Variants in ATP8A2 observed in about 807,000 individuals in gnomAD.
The protein encoded by ATP8A2 is ATPase phospholipid transporting 8A2, also known as phospholipid-transporting ATPase IB.
In ATP8A2, 100 loss-of-function variants were observed where a neutral mutation model predicts 165.6. The ratio of observed to expected loss-of-function variants is 0.60; its 90% confidence interval spans 0.51 to 0.71. The LOEUF (loss-of-function observed/expected upper bound fraction) is 0.71, where lower values mean the gene tolerates loss of function less well. Ranked by LOEUF, ATP8A2 falls within the 30% of genes least tolerant of loss-of-function variation. ATP8A2 has a pLI of 0.00. For missense variants in ATP8A2, 1,227 were observed against 1,479.5 expected (o/e 0.83, Z 2.80); for synonymous variants, 543 against 548.8 (o/e 0.99, Z 0.15).
intron 25 of ATP8A2, among the ~76,000 whole-genome samples, chr13:25,734,633 G>A (rs529823202): frequency 6.6e-6 from 1 of 152,254 alleles, no homozygotes; most frequent in East Asian, 1.9e-4. Flanking sequence ...ATGACACATT[G>A]TGATAAGGTT....
Position 25,961,650 on chromosome 13 carries a change from G to A in ATP8A2, c.3259G>A (p.Val1087Met). The A allele has an allele frequency of 2.5e-6, 4 of 1,613,342 alleles. No individual in the cohort carries two copies. Among genetic ancestry groups the A allele is most frequent in the Non-Finnish European group, 3.4e-6 (4 of 1,179,306 alleles). ...TCCTACTGCCTGTTTGATTGAAGAT[G>A]TGGCATGGAGAGCGTAAGTTTAACA... Reference protein sequence around the residue: ...LVPTACLIEDVAWRAAKHTCK... With the variant: ...LVPTACLIEDMAWRAAKHTCK... The change falls in exon 34 of 37, where the codon GTG becomes ATG. Residue 1087 changes from valine to methionine, a missense_variant. Transcript: ENST00000381655.
chr13:25,545,835 A>G (rs959441740), intron 10 of ATP8A2, among the ~76,000 whole-genome samples: 2 of 151,998 alleles, frequency 1.3e-5, no homozygotes, highest in African/African-American at 2.4e-5. Context: ...GGATTTCACC[A>G]TGTTGCCCAG....
In ATP8A2 at chr13:25,372,286, TGGGTGAGCTGGGAGGGGCGCGGCGAGGGA is replaced by T; in HGVS notation, c.76+4_76+32del. 7.5e-7 allele frequency: 1 copy of T among 1,333,588 alleles called. No homozygotes were observed. The highest frequency in any genetic ancestry group is 1.0e-6 in the Non-Finnish European group (1 of 1,000,540). The allele number at this position is 1,333,588 out of a possible 1,614,324, so 82.6% of individuals were successfully genotyped here. A position where few individuals can be genotyped will look rare whatever the true frequency, so the allele number is the denominator to read the frequency against. On this transcript the variant is annotated splice_donor_variant and splice_donor_5th_base_variant and coding_sequence_variant and intron_variant, in exon 1 of 37. Coordinates refer to ENST00000381655, the MANE Select transcript of ATP8A2 (RefSeq NM_016529.6). LOFTEE classifies it high-confidence loss of function. The surrounding 1 kb of genome is among the most constrained non-coding windows in gnomAD (Gnocchi z 4.8). ...CGGAGGTCGAGGATCCGCTCGTCCG[TGGGTGAGCTGGGAGGGGCGCGGCGAGGGA>T]GGGTGGGCCCGGGGCGGGGGCGGCG... is the stretch of plus-strand genomic sequence containing the variant.
At chr13:25,382,750 T>C (rs370917651) in intron 1 of ATP8A2, among the ~76,000 whole-genome samples, 4 of 151,728 alleles carry the variant, frequency 2.6e-5, no homozygotes, top group African/African-American at 9.7e-5. Context: ...TCTGTTTAGA[T>C]CTTTTGTCCT....
chr13:25,832,247 T>A (rs4525343), intron 28 of ATP8A2, among the ~76,000 whole-genome samples: 1 of 151,928 alleles, frequency 6.6e-6, no homozygotes, highest in Non-Finnish European at 1.5e-5. Flanking sequence ...TCATTTTGTT[T>A]TGTGGGTAGA....
chr13:25,835,041 C>T (rs569182703), intron 28 of ATP8A2, among the ~76,000 whole-genome samples: 38 of 151,730 alleles, frequency 2.5e-4, no homozygotes, highest in Non-Finnish European at 5.3e-4. Context: ...TGTAGGCATG[C>T]TGGGCTTCAT....
chr13:25,924,497 T>G (rs1414457609), intron 33 of ATP8A2, among the ~76,000 whole-genome samples: 1 of 152,142 alleles, frequency 6.6e-6, no homozygotes, highest in African/African-American at 2.4e-5. Flanking sequence ...TGTGTCCAAA[T>G]TTGCCCTTTT....
chr13:25,761,220 A>G (rs985647569), intron 25 of ATP8A2, among the ~76,000 whole-genome samples: 8 of 152,192 alleles, frequency 5.3e-5, no homozygotes, highest in African/African-American at 1.9e-4. Context: ...GGGCTCTTAC[A>G]TTACTTGTTC....
intron 1 of ATP8A2, among the ~76,000 whole-genome samples, chr13:25,382,162 A>C (rs2032862546): frequency 6.6e-6 from 1 of 152,168 alleles, no homozygotes; most frequent in African/African-American, 2.4e-5. Flanking sequence ...TCTTTACACA[A>C]TGTCATGTAG....
At chr13:25,400,064 A>C (rs111763934) in intron 1 of ATP8A2, among the ~76,000 whole-genome samples, 5,387 of 152,226 alleles carry the variant, frequency 0.035, 118 homozygotes, top group Non-Finnish European at 0.049. Flanking sequence ...CTGGGTCTAC[A>C]GGCACACACT....
At chr13:25,947,354 T>G (rs949173885) in intron 33 of ATP8A2, among the ~76,000 whole-genome samples, 3 of 152,132 alleles carry the variant, frequency 2.0e-5, no homozygotes, top group Non-Finnish European at 4.4e-5. Flanking sequence ...AGTAGGAAAA[T>G]AGAGGCTGGG....
Position 25,559,912 on chromosome 13 carries a change from C to T in ATP8A2, c.1397+147C>T, listed in dbSNP as rs142954676. 1,541 of 603,530 alleles carry T rather than the reference C, an allele frequency of 2.6e-3. 23 individuals carry two copies. Among genetic ancestry groups the T allele is most frequent in the East Asian group, 2.2e-3 (73 of 33,336 alleles). 37.4% of individuals were successfully genotyped at this position (603,530 alleles called of 1,614,324 possible). Reference sequence around the variant, plus strand: ...ATACTGTCATAGCTCACTGTAGTCACGAACTCCTGGATTCAAGTGATCCTC... The same window carrying T: ...ATACTGTCATAGCTCACTGTAGTCATGAACTCCTGGATTCAAGTGATCCTC... On this transcript the variant is annotated intron_variant, in intron 15 of 36. Coordinates refer to ENST00000381655, the MANE Select transcript of ATP8A2 (RefSeq NM_016529.6).
intron 1 of ATP8A2, among the ~76,000 whole-genome samples, chr13:25,379,690 A>C (rs985861338): frequency 6.6e-6 from 1 of 152,212 alleles, no homozygotes; most frequent in African/African-American, 2.4e-5. Flanking sequence ...TATATGTAGC[A>C]AACTAAGTGG....
chr13:25,487,841 T>C (rs558393024), intron 2 of ATP8A2, among the ~76,000 whole-genome samples: 6 of 151,918 alleles, frequency 3.9e-5, no homozygotes, highest in Admixed American at 2.6e-4. Flanking sequence ...CTTTCTCTCT[T>C]TCTTTCTTTT....
At position 25,760,373 on chromosome 13, in the gene ATP8A2, T is replaced by C. The variant is rs543697085; in HGVS notation, c.2385-8673T>C. ...AAATCAATTGTTATGGCTTCTTCCCTTTAAAAATTTTTGGTTTTCAAGGAC... is the reference window on the plus strand; with the variant it reads ...AAATCAATTGTTATGGCTTCTTCCCCTTAAAAATTTTTGGTTTTCAAGGAC... On this transcript the variant is annotated intron_variant, in intron 25 of 36. Transcript: ENST00000381655. 2.3e-3 allele frequency among the ~76,000 whole-genome samples: 357 copies of C among 152,300 alleles called. 1 individual carries two copies. Among genetic ancestry groups the C allele is most frequent in the African/African-American group, 8.2e-3 (339 of 41,564 alleles).
At chr13:25,462,660 C>T (rs983655897) in intron 1 of ATP8A2, among the ~76,000 whole-genome samples, 2 of 152,138 alleles carry the variant, frequency 1.3e-5, no homozygotes, top group African/African-American at 4.8e-5. Context: ...TTCCCCTTCC[C>T]AGAGGTTAGA....
intron 1 of ATP8A2, among the ~76,000 whole-genome samples, chr13:25,421,633 C>T (rs1360605664): frequency 6.6e-6 from 1 of 152,216 alleles, no homozygotes; most frequent in Non-Finnish European, 1.5e-5. Flanking sequence ...CGTGCCTGGC[C>T]CTTTTCTCCT....
At chr13:25,775,284 C>T (rs1324611852) in intron 27 of ATP8A2, among the ~76,000 whole-genome samples, 2 of 152,184 alleles carry the variant, frequency 1.3e-5, no homozygotes, top group Non-Finnish European at 2.9e-5. Flanking sequence ...TGCTAATACT[C>T]ACAGCCCTTC....
chr13:25,532,871 G>T (rs1593478501), intron 5 of ATP8A2, among the ~76,000 whole-genome samples: 2 of 152,088 alleles, frequency 1.3e-5, no homozygotes, highest in African/African-American at 2.4e-5. Context: ...TCACCGTGTT[G>T]CCCAGGCTAG....
Sources: gnomAD v4.1 joint callset for allele counts (sites outside exome capture counted in the v4.1 genomes callset) on GRCh38, gnomAD v4.1.1 for gene constraint, Gnocchi (gnomAD v3.1) non-coding constraint, MANE v1.5 for transcripts, NCBI Gene and HGNC (gene_info 2026-07-23, HGNC 2026-07-21) for gene names.